Variants in RYR2 observed in about 807,000 individuals in gnomAD.
RYR2 encodes the protein cardiac muscle ryanodine receptor-calcium release channel.
Under a neutral mutation model 601.1 loss-of-function variants are expected in RYR2, and 227 were observed. That is an observed-to-expected ratio of 0.38 (90% confidence interval 0.34 to 0.42). The LOEUF (loss-of-function observed/expected upper bound fraction) is 0.42, where lower values mean the gene tolerates loss of function less well. RYR2 is among the 10% of genes least tolerant of loss of function. The probability of loss-of-function intolerance (pLI) is 1.00; values close to 1 mark genes in which losing one functional copy is unlikely to be tolerated. For synonymous variants in RYR2, 2,223 were observed against 2,175.1 expected (o/e 1.02, Z -0.61); for missense variants, 4,646 against 6,156.5 (o/e 0.75, Z 8.21).
intron 1 of RYR2, among the ~76,000 whole-genome samples, chr1:237,247,619 C>T (rs779604414): frequency 6.6e-6 from 1 of 152,144 alleles, no homozygotes; most frequent in Non-Finnish European, 1.5e-5. Context: ...TGCCCCTCAC[C>T]AGCCATTGTG....
At chr1:237,235,160 G>C (rs1055621159) in intron 1 of RYR2, among the ~76,000 whole-genome samples, 1 of 152,144 alleles carries the variant, frequency 6.6e-6, no homozygotes, top group Non-Finnish European at 1.5e-5. Flanking sequence ...TCTGTGTATA[G>C]TATTTGCAAA....
chr1:237,585,147 A>G (rs1240111956), intron 29 of RYR2, among the ~76,000 whole-genome samples: 2 of 152,200 alleles, frequency 1.3e-5, no homozygotes, highest in Non-Finnish European at 2.9e-5. Flanking sequence ...AACAGAGGCC[A>G]TATGATCCAT....
intron 17 of RYR2, among the ~76,000 whole-genome samples, chr1:237,485,354 C>G (rs935960363): frequency 2.6e-5 from 4 of 152,192 alleles, no homozygotes; most frequent in African/African-American, 9.7e-5. Context: ...AGATGACCTT[C>G]CCTGGGTCAG....
intron 1 of RYR2, among the ~76,000 whole-genome samples, chr1:237,099,992 C>T (rs1667908321): frequency 6.6e-6 from 1 of 152,154 alleles, no homozygotes; most frequent in Non-Finnish European, 1.5e-5. Flanking sequence ...ACAGTATCCT[C>T]GGTGCTGCCT....
At chr1:237,271,541 A>G (rs1558532296) in intron 2 of RYR2, among the ~76,000 whole-genome samples, 1 of 152,154 alleles carries the variant, frequency 6.6e-6, no homozygotes, top group African/African-American at 2.4e-5. Context: ...GGAACTATTC[A>G]CTTTGAGACA....
At chr1:237,637,601 C>G (rs1243814401) in intron 44 of RYR2, among the ~76,000 whole-genome samples, 1 of 152,158 alleles carries the variant, frequency 6.6e-6, no homozygotes. Context: ...AGGTTTTTCT[C>G]TACGTATTTT....
At chr1:237,137,016 CAAAAAA>C (rs1167110660) in intron 1 of RYR2, among the ~76,000 whole-genome samples, 1 of 41,192 alleles carries the variant, frequency 2.4e-5, no homozygotes, top group African/African-American at 8.0e-5. Context: ...GACTCCATCT[CAAAAAA>C]AAAAAAAAAA....
At chr1:237,731,350 C>A (rs1434232839) in intron 77 of RYR2, among the ~76,000 whole-genome samples, 2 of 151,750 alleles carry the variant, frequency 1.3e-5, no homozygotes, top group African/African-American at 4.8e-5. Context: ...AAAGTTCTAT[C>A]CGATAGTAAA....
At chr1:237,812,677 A>C (rs1661372564) in intron 100 of RYR2, among the ~76,000 whole-genome samples, 1 of 152,116 alleles carries the variant, frequency 6.6e-6, no homozygotes, top group Non-Finnish European at 1.5e-5. Context: ...TAGTCATCAT[A>C]AGTTGTCATG....
At chr1:237,308,307 G>A (rs1354232672) in intron 2 of RYR2, among the ~76,000 whole-genome samples, 1 of 152,116 alleles carries the variant, frequency 6.6e-6, no homozygotes, top group Non-Finnish European at 1.5e-5. Flanking sequence ...TACAAGCATT[G>A]TACCTAGGGT....
At chr1:237,261,710 A>G (rs974210990) in intron 1 of RYR2, among the ~76,000 whole-genome samples, 27 of 152,188 alleles carry the variant, frequency 1.8e-4, no homozygotes, top group African/African-American at 5.8e-4. Flanking sequence ...AGCCTGGGCA[A>G]CATGGCGAGA....
intron 1 of RYR2, among the ~76,000 whole-genome samples, chr1:237,264,765 G>C (rs1026442443): frequency 1.3e-5 from 2 of 150,808 alleles, no homozygotes; most frequent in African/African-American, 2.4e-5. Flanking sequence ...GCGTGATCTC[G>C]GCTCACTGCA....
At chr1:237,577,883 A>G (rs1482879207) in intron 29 of RYR2, among the ~76,000 whole-genome samples, 3 of 152,004 alleles carry the variant, frequency 2.0e-5, no homozygotes, top group Non-Finnish European at 2.9e-5. Context: ...GCTCACTGCA[A>G]CCTCTACCTC....
rs765043617 is a variant in RYR2, at chr1:237,595,480, T to C, written c.4437-18T>C. ...ATCTGTGGTTGTACAAAGATAAAAA[T>C]GTTCTTTTGAAATTCAGCATCAAAC... On this transcript the variant is annotated intron_variant, in intron 33 of 104. Transcript: ENST00000366574. 1.2e-6 allele frequency: 2 copies of C among 1,601,242 alleles called. No homozygotes were observed. The highest frequency in any genetic ancestry group is 1.7e-6 in the Non-Finnish European group (2 of 1,175,808).
intron 1 of RYR2, among the ~76,000 whole-genome samples, chr1:237,248,931 T>C (rs1199574052): frequency 6.6e-6 from 1 of 151,930 alleles, no homozygotes; most frequent in African/African-American, 2.4e-5. Context: ...CCGGCTAATG[T>C]TTTTTGTAGT....
At chr1:237,364,419 T>TAG in intron 5 of RYR2, 47 bp downstream of exon 5, 3 of 1,071,488 alleles carry the variant, frequency 2.8e-6, no homozygotes, top group Non-Finnish European at 4.1e-6. Flanking sequence ...AGCAGATATA[T>TAG]TACTATATAT....
chr1:237,383,364 A>C (rs138790021), intron 8 of RYR2, among the ~76,000 whole-genome samples: 3 of 150,546 alleles, frequency 2.0e-5, no homozygotes, highest in African/African-American at 4.9e-5. Flanking sequence ...CAACCCCTGC[A>C]ACTACTCTGC....
chr1:237,244,652 C>A (rs139532495), intron 1 of RYR2, among the ~76,000 whole-genome samples: 156 of 152,282 alleles, frequency 1.0e-3, no homozygotes, highest in African/African-American at 3.6e-3. Context: ...CTTTTCCTCT[C>A]GGAATCCCGT....
chr1:237,269,348 G>C (rs1279166840), intron 1 of RYR2, among the ~76,000 whole-genome samples: 1 of 151,548 alleles, frequency 6.6e-6, no homozygotes, highest in Non-Finnish European at 1.5e-5. Flanking sequence ...CGGCCATATA[G>C]CATATTCTTT....
Sources: allele counts gnomAD v4.1 joint callset (sites outside exome capture counted in the v4.1 genomes callset), GRCh38; gene constraint gnomAD v4.1.1; transcripts MANE v1.5; gene names NCBI Gene and HGNC (gene_info 2026-07-23, HGNC 2026-07-21).